TMEM200A: variants seen among roughly 807,000 people sequenced by gnomAD.
TMEM200A encodes the protein transmembrane protein 200A.
A neutral mutation model predicts 24.3 loss-of-function variants in TMEM200A; 12 were observed. The ratio of observed to expected loss-of-function variants is 0.49; its 90% CI spans 0.32 to 0.80. The LOEUF is 0.80. Among genes scored for constraint, TMEM200A ranks in the 30% least tolerant of loss-of-function variants. The probability of loss-of-function intolerance (pLI) is 0.04; values close to 1 mark genes in which losing one functional copy is unlikely to be tolerated. For missense variants in TMEM200A, 545 were observed against 614.4 expected, an observed-to-expected ratio of 0.89 and a Z score of 1.19; for synonymous variants, 224 against 224.4, an observed-to-expected ratio of 1.00 and a Z score of 0.02.
intron 2 of TMEM200A, among the ~76,000 whole-genome samples, chr6:130,418,505 A>AAC (rs1274829755): frequency 2.0e-5 from 3 of 152,180 alleles, no homozygotes; most frequent in Non-Finnish European, 4.4e-5. Context: ...AGTTCATAGC[A>AAC]ACCTGTGAGG....
intron 2 of TMEM200A, among the ~76,000 whole-genome samples, chr6:130,426,015 GA>G (rs905475102): frequency 2.6e-5 from 4 of 151,994 alleles, no homozygotes; most frequent in Non-Finnish European, 5.9e-5. Flanking sequence ...TGATTTTGAT[GA>G]AAAAAAATCA....
Position 130,440,935 on chromosome 6 carries a change from C to T in TMEM200A, c.513C>T (p.His171=). ...TCTATTCCACAGTCATTGACATTCACACGCTAAGAATCAAGGAGCAAAGGC... is the reference window on the plus strand; with the variant it reads ...TCTATTCCACAGTCATTGACATTCATACGCTAAGAATCAAGGAGCAAAGGC... ...RDIYSTVIDI[H]TLRIKEQRQM... The change falls in exon 3 of 3, where the codon CAC becomes CAT. Residue 171 remains histidine (H), a synonymous_variant. Coordinates refer to ENST00000296978, the MANE Select transcript of TMEM200A (RefSeq NM_001258277.2). The T allele has an allele frequency of 6.2e-7, 1 of 1,614,060 alleles. No homozygotes were observed. Among genetic ancestry groups the T allele is most frequent in the South Asian group, 1.1e-5 (1 of 91,080 alleles).
chr6:130,371,642 T>A (rs1047929418), intron 1 of TMEM200A, among the ~76,000 whole-genome samples: 1 of 152,180 alleles, frequency 6.6e-6, no homozygotes, highest in East Asian at 1.9e-4. Flanking sequence ...TGGACAAGAA[T>A]GTCAAGGTAA....
intron 2 of TMEM200A, among the ~76,000 whole-genome samples, chr6:130,416,589 T>G (rs1306845740): frequency 6.6e-6 from 1 of 152,174 alleles, no homozygotes; most frequent in East Asian, 1.9e-4. Flanking sequence ...AATAGCTGTC[T>G]GTTCTGTCTA....
At chr6:130,383,514 C>T (rs1778649073) in intron 1 of TMEM200A, among the ~76,000 whole-genome samples, 1 of 152,192 alleles carries the variant, frequency 6.6e-6, no homozygotes, top group South Asian at 2.1e-4. Flanking sequence ...GCCATCTTCA[C>T]TCAGCTGTGT....
In TMEM200A at chr6:130,440,673, G is replaced by A; in HGVS notation, c.251G>A (p.Trp84Ter). 6.2e-7 allele frequency: 1 copy of A among 1,613,678 alleles called. No individual in the cohort carries two copies. Among genetic ancestry groups the A allele is most frequent in the Non-Finnish European group, 8.5e-7 (1 of 1,179,754 alleles). ...IGIAMAVLGY[W>*]PQKEHFIDAE... ...ATTGCTATGGCCGTTCTTGGATATT[G>A]GCCCCAAAAAGAACATTTTATTGAT... is the stretch of plus-strand genomic sequence containing the variant. Residue 84 changes from tryptophan (W) to a stop codon, truncating the protein, a stop_gained, in exon 3 of 3, where the codon TGG becomes TAG. Coordinates refer to ENST00000296978, the MANE Select transcript of TMEM200A (RefSeq NM_001258277.2). LOFTEE classifies it high-confidence loss of function.
intron 2 of TMEM200A, among the ~76,000 whole-genome samples, chr6:130,413,045 T>C (rs1779367668): frequency 6.6e-6 from 1 of 152,202 alleles, no homozygotes; most frequent in South Asian, 2.1e-4. Flanking sequence ...GAGGATTTTG[T>C]GTCCAAAGTA....
At chr6:130,419,571 C>G (rs1403974016) in intron 2 of TMEM200A, among the ~76,000 whole-genome samples, 1 of 152,142 alleles carries the variant, frequency 6.6e-6, no homozygotes, top group Non-Finnish European at 1.5e-5. Flanking sequence ...TGTGCAGCCT[C>G]TCCAGCATTC....
At chr6:130,365,968 C>T, upstream of TMEM200A, 22 of 985,586 alleles carry the variant, frequency 2.2e-5, no homozygotes, top group Non-Finnish European at 2.6e-5. Context: ...CCCCCGCCCC[C>T]AACCCGCCTC....
chr6:130,401,845 G>A (rs763308245), intron 2 of TMEM200A, among the ~76,000 whole-genome samples: 10 of 151,876 alleles, frequency 6.6e-5, no homozygotes, highest in South Asian at 2.1e-4. Flanking sequence ...TTGTGTGTGT[G>A]TGTTTGTGAG....
rs565879055 is a variant in TMEM200A, at chr6:130,406,624, C to A, written c.-17+21388C>A. Among the ~76,000 whole-genome samples, 18 of 152,226 alleles carry A rather than the reference C, an allele frequency of 1.2e-4. No individual in the cohort carries two copies. The South Asian group carries it at 3.7e-3, about 32-fold the overall frequency. On this transcript the variant is annotated intron_variant, in intron 2 of 2. Transcript: ENST00000296978. ...AGGTGCATTGCTGTAGACTCTATAC[C>A]TGATAAATAATGTCCTGAATTGCAA...
In TMEM200A at chr6:130,440,027, T is replaced by C. The variant is rs767343763; in HGVS notation, c.-16-380T>C. ...AGATAACTCTGTGTGTGTGTGTGTA[T>C]GTGTGTGTGTGTGTGAGAGAGAGAG... On this transcript the variant is annotated intron_variant, in intron 2 of 2. Transcript: ENST00000296978. Among the ~76,000 whole-genome samples the C allele has an allele frequency of 4.4e-4, 63 of 141,864 alleles. 1 individual carries two copies. The highest frequency in any genetic ancestry group is 4.1e-4 in the Admixed American group (6 of 14,712). 93.1% of individuals were successfully genotyped at this position (141,864 alleles called of 152,430 possible).
intron 1 of TMEM200A, among the ~76,000 whole-genome samples, chr6:130,371,985 T>C (rs1778331930): frequency 6.6e-6 from 1 of 152,230 alleles, no homozygotes; most frequent in Admixed American, 6.5e-5. Flanking sequence ...ATCTTCATTA[T>C]AATTCCAGAA....
At chr6:130,368,942 C>G (rs1016964733) in intron 1 of TMEM200A, among the ~76,000 whole-genome samples, 7 of 152,138 alleles carry the variant, frequency 4.6e-5, no homozygotes, top group Non-Finnish European at 2.9e-5. Flanking sequence ...TTTATGGTCT[C>G]TCTTTAAAAT....
intron 2 of TMEM200A, among the ~76,000 whole-genome samples, chr6:130,432,890 A>G (rs995002823): frequency 6.6e-6 from 1 of 152,174 alleles, no homozygotes; most frequent in Non-Finnish European, 1.5e-5. Context: ...CAAGAGGTTG[A>G]TTCATTGTTC....
chr6:130,391,385 A>G (rs1358009225), intron 2 of TMEM200A, among the ~76,000 whole-genome samples: 2 of 152,136 alleles, frequency 1.3e-5, no homozygotes, highest in African/African-American at 4.8e-5. Context: ...TCTCTTGCCT[A>G]TGCCCCATCA....
At chr6:130,369,878 G>T (rs893936307) in intron 1 of TMEM200A, among the ~76,000 whole-genome samples, 5 of 152,262 alleles carry the variant, frequency 3.3e-5, no homozygotes, top group African/African-American at 1.2e-4. Flanking sequence ...GTGCACCAAG[G>T]GGGGACAAGT....
At chr6:130,415,609 T>G (rs1351849816) in intron 2 of TMEM200A, among the ~76,000 whole-genome samples, 3 of 152,198 alleles carry the variant, frequency 2.0e-5, no homozygotes, top group Admixed American at 2.0e-4. Context: ...CGTCGTTTAC[T>G]AAATTACGAG....
At chr6:130,415,288 T>A (rs940126578) in intron 2 of TMEM200A, among the ~76,000 whole-genome samples, 9 of 152,088 alleles carry the variant, frequency 5.9e-5, no homozygotes, top group African/African-American at 1.7e-4. Flanking sequence ...AGTGAGCACA[T>A]AATAAGGTAC....
Sources: allele counts gnomAD v4.1 joint callset (sites outside exome capture counted in the v4.1 genomes callset), GRCh38; gene constraint gnomAD v4.1.1; transcripts MANE v1.5; gene names NCBI Gene and HGNC (gene_info 2026-07-23, HGNC 2026-07-21).